The following SMARCC1 variants were observed in gnomAD, a reference collection of about 807,000 sequenced individuals.
The protein encoded by SMARCC1 is SWI/SNF complex subunit SMARCC1.
A neutral mutation model predicts 147.4 loss-of-function variants in SMARCC1; 43 were observed. That is an observed-to-expected ratio of 0.29 (90% confidence interval 0.23 to 0.38). The LOEUF (loss-of-function observed/expected upper bound fraction) is 0.38, where lower values mean the gene tolerates loss of function less well. SMARCC1 is among the 10% of genes least tolerant of loss of function. The pLI is 1.00. For synonymous variants in SMARCC1, 495 were observed against 484.4 expected (o/e 1.02, Z -0.29); for missense variants, 1,119 against 1,381.1 (o/e 0.81, Z 3.01).
At chr3:47,778,320 T>C (rs1190008816) in intron 1 of SMARCC1, among the ~76,000 whole-genome samples, 1 of 152,044 alleles carries the variant, frequency 6.6e-6, no homozygotes, top group Non-Finnish European at 1.5e-5. Context: ...TTGTTTCGTT[T>C]TGTTTTGAGA....
chr3:47,781,641 C>A lies in SMARCC1; in HGVS notation c.157G>T (p.Asp53Tyr), dbSNP rs1025998762. The A allele has an allele frequency of 1.3e-6, 2 of 1,555,012 alleles. No individual in the cohort carries two copies. Among genetic ancestry groups the A allele is most frequent in the Non-Finnish European group, 1.7e-6 (2 of 1,154,750 alleles). The change falls in exon 1 of 28, where the codon GAT (aspartate) becomes TAT (tyrosine). Residue 53 changes from aspartate to tyrosine, a missense_variant. By Grantham distance (160) the Asp-to-Tyr change is radical. Transcript: ENST00000254480. ...TTGCCCAGCCAGACCCGCACCGAATCCAGCTGGGACACCGTCTCCGGGCTC... is the reference window on the plus strand; with the variant it reads ...TTGCCCAGCCAGACCCGCACCGAATACAGCTGGGACACCGTCTCCGGGCTC... The part of the protein sequence containing the change: ...WESPETVSQL[D>Y]SVRVWLGKHY...
rs2033578249 is a variant in SMARCC1, at chr3:47,676,663, G to A, written c.1691C>T (p.Ser564Phe). 1 of 1,613,904 alleles carries A rather than the reference G, an allele frequency of 6.2e-7. No homozygotes were observed. The highest frequency in any genetic ancestry group is 8.5e-7 in the Non-Finnish European group (1 of 1,179,892). ...TCGAAGATGCAGAGGCACAAGCCCAGAGGGGGTATCAGCTAATACATTAAA... is the reference window on the plus strand; with the variant it reads ...TCGAAGATGCAGAGGCACAAGCCCAAAGGGGGTATCAGCTAATACATTAAA... ...PHFNVLADTP[S>F]GLVPLHLRSP... The change falls in exon 17 of 28, where the codon TCT (serine) becomes TTT (phenylalanine). Residue 564 changes from serine (S) to phenylalanine (F), a missense_variant. By Grantham distance (155) the Ser-to-Phe change is radical. This residue lies in a region of SMARCC1 where 178 missense variants were observed against 264.6 expected (regional missense o/e 0.67). Transcript: ENST00000254480.
At position 47,720,878 on chromosome 3, in the gene SMARCC1, A is replaced by AG. The variant is rs544127757; in HGVS notation, c.647-144_647-143insC. 3.1e-5 allele frequency: 21 copies of AG among 674,150 alleles called. No homozygotes were observed. In the East Asian group the frequency reaches 3.7e-4, roughly 12 times the overall value. The allele number at this position is 674,150 out of a possible 1,614,324, so 41.8% of individuals were successfully genotyped here. A position where few individuals can be genotyped will look rare whatever the true frequency, so the allele number is the denominator to read the frequency against. On this transcript the variant is annotated intron_variant, in intron 6 of 27. Transcript: ENST00000254480. ...CATGCTGTTGCTGGTTTGGAAAGAA[A>AG]AAGTTTTCAAATTGAGTACTATCTA... is the stretch of plus-strand genomic sequence containing the variant.
intron 13 of SMARCC1, among the ~76,000 whole-genome samples, chr3:47,688,868 G>A (rs889054846): frequency 6.6e-6 from 1 of 152,112 alleles, no homozygotes; most frequent in Admixed American, 6.6e-5. Flanking sequence ...AGGGACACTA[G>A]CAGGGAGGAC....
rs771254052 is a variant in SMARCC1, at chr3:47,686,174, T to C, written c.1264-4A>G. The C allele has an allele frequency of 2.5e-5, 41 of 1,609,662 alleles. No individual in the cohort carries two copies. The highest frequency in any genetic ancestry group is 4.5e-5 in the East Asian group (2 of 44,820). On this transcript the variant is annotated splice_polypyrimidine_tract_variant and splice_region_variant and intron_variant, in intron 13 of 27. Coordinates refer to ENST00000254480, the MANE Select transcript of SMARCC1 (RefSeq NM_003074.4). Reference sequence around the variant, plus strand: ...CTTTGGCAGGATCTTCATCTTCCTATAGAAAAGAAGACAAAGTTCAAAGAA... The same window carrying C: ...CTTTGGCAGGATCTTCATCTTCCTACAGAAAAGAAGACAAAGTTCAAAGAA...
intron 20 of SMARCC1, 70 bp downstream of exon 20, chr3:47,662,264 C>A: frequency 1.6e-6 from 2 of 1,258,744 alleles, no homozygotes; most frequent in South Asian, 1.4e-5. Context: ...ATGAATGTAA[C>A]GGCTGGTAAT....
intron 3 of SMARCC1, among the ~76,000 whole-genome samples, chr3:47,740,869 A>AAAC (rs1553689188): frequency 9.3e-5 from 14 of 150,578 alleles, no homozygotes; most frequent in African/African-American, 3.4e-4. Flanking sequence ...AAAAAAAAAA[A>AAAC]CAAAAACCTA....
At chr3:47,727,230 C>T (rs997734579) in intron 6 of SMARCC1, among the ~76,000 whole-genome samples, 1 of 151,232 alleles carries the variant, frequency 6.6e-6, no homozygotes, top group Non-Finnish European at 1.5e-5. Context: ...AAAAACTGGC[C>T]GGGCACGGTG....
chr3:47,768,327 C>T (rs6777379), intron 2 of SMARCC1, among the ~76,000 whole-genome samples: 3 of 152,130 alleles, frequency 2.0e-5, no homozygotes, highest in African/African-American at 7.2e-5. Flanking sequence ...AAGGCAAGTA[C>T]ATCGGTTCCC....
chr3:47,729,097 G>A lies in SMARCC1; in HGVS notation c.577-3C>T. 3 of 1,605,912 alleles carry A rather than the reference G, an allele frequency of 1.9e-6. No homozygotes were observed. The highest frequency in any genetic ancestry group is 2.6e-6 in the Non-Finnish European group (3 of 1,173,918). On this transcript the variant is annotated splice_region_variant and splice_polypyrimidine_tract_variant and intron_variant, in intron 5 of 27. Coordinates refer to ENST00000254480, the MANE Select transcript of SMARCC1 (RefSeq NM_003074.4). ...GACTTCTCATCCGTAAATGTTCCCT[G>A]GAAAGCAAATGAACAAAAACCACAA...
chr3:47,655,502 G>A (rs2033249625), intron 21 of SMARCC1, among the ~76,000 whole-genome samples: 1 of 152,004 alleles, frequency 6.6e-6, no homozygotes, highest in Non-Finnish European at 1.5e-5. Flanking sequence ...TTGGAGACCA[G>A]CCTGGCCAAT....
chr3:47,682,246 T>G (rs1576410008), intron 14 of SMARCC1, among the ~76,000 whole-genome samples: 1 of 147,844 alleles, frequency 6.8e-6, no homozygotes, highest in African/African-American at 2.5e-5. Context: ...AGTGAGCCGA[T>G]ATCGCGCCAC....
chr3:47,613,372 G>A (rs954240490), intron 25 of SMARCC1, among the ~76,000 whole-genome samples: 1 of 151,866 alleles, frequency 6.6e-6, no homozygotes, highest in African/African-American at 2.4e-5. Flanking sequence ...ACTGGAAGTA[G>A]GAGAACTTTT....
At chr3:47,703,359 T>A (rs1488070128) in intron 10 of SMARCC1, among the ~76,000 whole-genome samples, 1 of 152,254 alleles carries the variant, frequency 6.6e-6, no homozygotes, top group Admixed American at 6.5e-5. Flanking sequence ...CCAGCCTTTA[T>A]TCTGCATCCT....
chr3:47,617,956 T>A (rs1332812452), intron 25 of SMARCC1, among the ~76,000 whole-genome samples: 2 of 152,182 alleles, frequency 1.3e-5, no homozygotes, highest in African/African-American at 2.4e-5. Context: ...CTTACTTTTT[T>A]AAATCACTTA....
chr3:47,607,299 C>T (rs910483766), intron 26 of SMARCC1, among the ~76,000 whole-genome samples: 2 of 152,088 alleles, frequency 1.3e-5, no homozygotes, highest in Non-Finnish European at 2.9e-5. Context: ...TGTGTGTAAA[C>T]GAAAGCTTCC....
intron 2 of SMARCC1, among the ~76,000 whole-genome samples, chr3:47,763,004 T>C (rs1428263547): frequency 3.3e-5 from 5 of 150,952 alleles, no homozygotes; most frequent in African/African-American, 9.8e-5. Flanking sequence ...AGGCGGAGGT[T>C]GCAGTGAGCC....
At chr3:47,746,725 A>C (rs894623219) in intron 2 of SMARCC1, among the ~76,000 whole-genome samples, 3 of 118,250 alleles carry the variant, frequency 2.5e-5, no homozygotes, top group Non-Finnish European at 3.5e-5. Flanking sequence ...TCACATCAGT[A>C]ATTTTTTTTT....
At chr3:47,683,974 C>T (rs1480482107) in intron 14 of SMARCC1, among the ~76,000 whole-genome samples, 5 of 145,802 alleles carry the variant, frequency 3.4e-5, no homozygotes, top group Non-Finnish European at 7.5e-5. Flanking sequence ...AGTACTCGGC[C>T]GGGCGCGGTG....
Sources: allele counts gnomAD v4.1 joint callset (sites outside exome capture counted in the v4.1 genomes callset), GRCh38; gene constraint gnomAD v4.1.1; regional missense constraint gnomAD v4.1.1; transcripts MANE v1.5; gene names NCBI Gene and HGNC (gene_info 2026-07-23, HGNC 2026-07-21).